The following SLC9A2 variants were observed in gnomAD, a reference collection of about 807,000 sequenced individuals.
The protein encoded by SLC9A2 is solute carrier family 9 member A2, also known as sodium/hydrogen exchanger 2.
In SLC9A2, 42 loss-of-function variants were observed where a neutral mutation model predicts 71.7. That is an observed-to-expected ratio of 0.59 (90% confidence interval 0.46 to 0.76). SLC9A2 has a LOEUF of 0.76. Ranked by LOEUF, SLC9A2 falls within the 30% of genes least tolerant of loss-of-function variation. SLC9A2 has a pLI of 0.00. For missense variants in SLC9A2, 829 were observed against 1,017.4 expected (o/e 0.81, Z 2.52); for synonymous variants, 396 against 392.5 (o/e 1.01, Z -0.10).
chr2:102,629,420 A>G (rs993877527), intron 1 of SLC9A2, among the ~76,000 whole-genome samples: 1 of 152,036 alleles, frequency 6.6e-6, no homozygotes, highest in Non-Finnish European at 1.5e-5. Context: ...TTCCAGATGT[A>G]TATTTTTATA....
intron 5 of SLC9A2, among the ~76,000 whole-genome samples, chr2:102,688,653 G>A (rs1677600839): frequency 6.6e-6 from 1 of 152,064 alleles, no homozygotes; most frequent in Admixed American, 6.6e-5. Context: ...GCTTGAACCA[G>A]GGAGTCAGAG....
At chr2:102,704,466 A>G in intron 9 of SLC9A2, 78 bp from the exon 10 acceptor site, 1 of 1,424,000 alleles carries the variant, frequency 7.0e-7, no homozygotes, top group East Asian at 2.4e-5. Context: ...GAAATGTGGT[A>G]AAGTCTTGGA....
intron 3 of SLC9A2, among the ~76,000 whole-genome samples, chr2:102,679,803 A>G (rs1677416654): frequency 6.6e-6 from 1 of 152,238 alleles, no homozygotes; most frequent in African/African-American, 2.4e-5. Flanking sequence ...ATAATTTCAG[A>G]GGGAAATGTT....
At chr2:102,691,054 T>C (rs1352500271) in intron 5 of SLC9A2, among the ~76,000 whole-genome samples, 1 of 151,632 alleles carries the variant, frequency 6.6e-6, no homozygotes, top group African/African-American at 2.4e-5. Flanking sequence ...TTTTCCCCTC[T>C]GATATAAATG....
At chr2:102,702,366 T>C in intron 8 of SLC9A2, 40 bp from the exon 9 acceptor site, 1 of 1,092,968 alleles carries the variant, frequency 9.1e-7, no homozygotes, top group Non-Finnish European at 1.4e-6. Context: ...ATTCTAATAT[T>C]TGTTGAAAGG....
At chr2:102,624,959 T>C (rs749229632) in intron 1 of SLC9A2, among the ~76,000 whole-genome samples, 7 of 152,178 alleles carry the variant, frequency 4.6e-5, no homozygotes, top group Non-Finnish European at 8.8e-5. Flanking sequence ...CTTAGTCTGT[T>C]TTTCTTTGTC....
intron 1 of SLC9A2, among the ~76,000 whole-genome samples, chr2:102,655,914 C>T (rs1573410594): frequency 6.6e-6 from 1 of 152,340 alleles, no homozygotes; most frequent in South Asian, 2.1e-4. Flanking sequence ...GCAAACCAGC[C>T]AGCAAGGCTG....
Position 102,671,801 on chromosome 2 carries a change from G to T in SLC9A2, c.1004+6451G>T, listed in dbSNP as rs907675718. On this transcript the variant is annotated intron_variant, in intron 3 of 11. Transcript: ENST00000233969. ...CTTGAAAGTAGAATTGAGTTGTATT[G>T]TAAGTTTAAAATACACAGCAGAGGC... Among the ~76,000 whole-genome samples, 5 of 152,236 alleles carry T rather than the reference G, an allele frequency of 3.3e-5. No individual in the cohort carries two copies. The East Asian group carries it at 9.7e-4, about 29-fold the overall frequency.
At chr2:102,704,487 G>A (rs887923984) in intron 9 of SLC9A2, 57 bp from the exon 10 acceptor site, 22 of 1,548,712 alleles carry the variant, frequency 1.4e-5, no homozygotes, top group Middle Eastern at 3.5e-4. Flanking sequence ...ATTTCTGGGG[G>A]AAATGATCAG....
chr2:102,690,169 G>A (rs969217673), intron 5 of SLC9A2, among the ~76,000 whole-genome samples: 9 of 152,146 alleles, frequency 5.9e-5, no homozygotes, highest in East Asian at 1.9e-4. Context: ...CCAGGAGGCC[G>A]GAAAGGGTGA....
chr2:102,623,754 G>A (rs1676189929), intron 1 of SLC9A2, among the ~76,000 whole-genome samples: 1 of 152,096 alleles, frequency 6.6e-6, no homozygotes, highest in Admixed American at 6.6e-5. Context: ...TTTGTGTAGT[G>A]TACCTGACCT....
rs749375343 is a variant in SLC9A2 at position 102,708,415 on chromosome 2, C to T, written c.2365C>T (p.Pro789Ser). ...DSLTEGIPPK[P>S]PPRLVWRASE... is the part of the protein sequence containing the mutation. ...TTTGACTGAAGGCATCCCGCCCAAGCCGCCACCACGGCTGGTCTGGAGGGC... is the reference window on the plus strand; with the variant it reads ...TTTGACTGAAGGCATCCCGCCCAAGTCGCCACCACGGCTGGTCTGGAGGGC... Residue 789 changes from proline to serine, a missense_variant, in exon 12 of 12, where the codon CCG becomes TCG. Coordinates refer to ENST00000233969, the MANE Select transcript of SLC9A2 (RefSeq NM_003048.6). 5 of 1,614,218 alleles carry T rather than the reference C, an allele frequency of 3.1e-6. No individual in the cohort carries two copies. The South Asian group carries it at 4.4e-5, about 14-fold the overall frequency.
intron 7 of SLC9A2, among the ~76,000 whole-genome samples, chr2:102,699,936 G>A (rs1184114175): frequency 6.6e-6 from 1 of 152,014 alleles, no homozygotes; most frequent in Non-Finnish European, 1.5e-5. Context: ...TTGGATTTGG[G>A]CCCATTTTGA....
chr2:102,633,726 A>G (rs891298872), intron 1 of SLC9A2, among the ~76,000 whole-genome samples: 1 of 152,188 alleles, frequency 6.6e-6, no homozygotes, highest in South Asian at 2.1e-4. Context: ...GGTCTTGTCC[A>G]TCATCCATGA....
chr2:102,661,903 G>C (rs898191129), intron 2 of SLC9A2, among the ~76,000 whole-genome samples: 2 of 152,006 alleles, frequency 1.3e-5, no homozygotes, highest in African/African-American at 2.4e-5. Context: ...AACACTTCTC[G>C]GCATAGATTC....
chr2:102,690,582 G>A (rs1168375174), intron 5 of SLC9A2, among the ~76,000 whole-genome samples: 2 of 152,148 alleles, frequency 1.3e-5, no homozygotes, highest in Non-Finnish European at 2.9e-5. Flanking sequence ...GAAAGCTGGA[G>A]TATAGGGGAG....
At position 102,635,222 on chromosome 2, in the gene SLC9A2, T is replaced by A. The variant is rs116500091; in HGVS notation, c.289+15085T>A. ...TTTCTCTTACGGAACACTGGAATGGTGAGGAGAAATGATACTGAAAAATTG... is the reference window on the plus strand; with the variant it reads ...TTTCTCTTACGGAACACTGGAATGGAGAGGAGAAATGATACTGAAAAATTG... On this transcript the variant is annotated intron_variant, in intron 1 of 11. Coordinates refer to ENST00000233969, the MANE Select transcript of SLC9A2 (RefSeq NM_003048.6). Among the ~76,000 whole-genome samples, 300 of 152,282 alleles carry A rather than the reference T, an allele frequency of 2.0e-3. 1 individual carries two copies. The highest frequency in any genetic ancestry group is 7.1e-3 in the African/African-American group (294 of 41,544).
intron 5 of SLC9A2, among the ~76,000 whole-genome samples, chr2:102,693,913 C>T (rs966905496): frequency 6.6e-6 from 1 of 152,090 alleles, no homozygotes; most frequent in Non-Finnish European, 1.5e-5. Flanking sequence ...GATAAGTTTT[C>T]TATGGATAAT....
intron 7 of SLC9A2, 146 bp from the exon 8 acceptor site, chr2:102,700,924 T>C: frequency 1.7e-6 from 1 of 604,808 alleles, no homozygotes; most frequent in South Asian, 2.1e-5. Context: ...GGTAGGCACA[T>C]ACTAAATATA....
Sources: allele counts gnomAD v4.1 joint callset (sites outside exome capture counted in the v4.1 genomes callset), GRCh38; gene constraint gnomAD v4.1.1; transcripts MANE v1.5; gene names NCBI Gene and HGNC (gene_info 2026-07-23, HGNC 2026-07-21).